Variants in RGS7 observed in about 807,000 individuals in gnomAD.
RGS7 encodes the protein regulator of G-protein signaling 7.
In RGS7, 27 loss-of-function variants were observed where a neutral mutation model predicts 81.1. The observed-to-expected ratio is 0.33, with a 90% CI of 0.25 to 0.46. RGS7 has a LOEUF of 0.46. Ranked by LOEUF, RGS7 falls within the 20% of genes least tolerant of loss-of-function variation. The pLI is 1.00. For synonymous variants in RGS7, 208 were observed against 207.7 expected (o/e 1.00, Z -0.01); for missense variants, 396 against 607.4 (o/e 0.65, Z 3.66).
chr1:241,345,449 T>C (rs2082829080), intron 2 of RGS7, among the ~76,000 whole-genome samples: 1 of 152,134 alleles, frequency 6.6e-6, no homozygotes, highest in South Asian at 2.1e-4. Context: ...AAAACTAAAA[T>C]GTAATCATGA....
At chr1:241,005,554 G>T (rs2058642230) in intron 3 of RGS7, among the ~76,000 whole-genome samples, 1 of 151,870 alleles carries the variant, frequency 6.6e-6, no homozygotes. Context: ...TTTATTTTTT[G>T]AAATGGAGTC....
intron 2 of RGS7, among the ~76,000 whole-genome samples, chr1:241,279,149 C>T (rs1291203228): frequency 2.0e-5 from 3 of 151,236 alleles, no homozygotes; most frequent in Non-Finnish European, 4.4e-5. Context: ...TAACATATAA[C>T]TTTATAATGT....
intron 9 of RGS7, among the ~76,000 whole-genome samples, chr1:240,827,661 G>A (rs540350864): frequency 4.6e-5 from 7 of 151,904 alleles, no homozygotes; most frequent in South Asian, 2.1e-4. Flanking sequence ...TAAGGAGTTC[G>A]AGACCAGCCT....
intron 2 of RGS7, among the ~76,000 whole-genome samples, chr1:241,220,995 A>AAGGAAGGAAGAAAGAAAGAG (rs1320023810): frequency 2.4e-5 from 1 of 42,324 alleles, no homozygotes; most frequent in African/African-American, 7.2e-5. Flanking sequence ...GGAAGGAAGG[A>AAGGAAGGAAGAAAGAAAGAG]AGAGAGAGAG....
chr1:240,993,896 A>T (rs925759485), intron 3 of RGS7, among the ~76,000 whole-genome samples: 1 of 152,084 alleles, frequency 6.6e-6, no homozygotes, highest in African/African-American at 2.4e-5. Flanking sequence ...TTGCCCGTGA[A>T]TGTCCAATAG....
At chr1:240,856,458 T>C (rs1661143048) in intron 9 of RGS7, among the ~76,000 whole-genome samples, 1 of 152,202 alleles carries the variant, frequency 6.6e-6, no homozygotes, top group South Asian at 2.1e-4. Flanking sequence ...ACTAAATGAA[T>C]GAATCAACTG....
intron 7 of RGS7, among the ~76,000 whole-genome samples, chr1:240,869,800 C>A (rs532663601): frequency 6.6e-6 from 1 of 152,140 alleles, no homozygotes; most frequent in Non-Finnish European, 1.5e-5. Flanking sequence ...ATTATCTGGG[C>A]GTGGTGGTGC....
chr1:241,187,571 T>C (rs868119737), intron 2 of RGS7, among the ~76,000 whole-genome samples: 6 of 152,168 alleles, frequency 3.9e-5, no homozygotes, highest in Admixed American at 6.5e-5. Context: ...CTCAGCTCTA[T>C]ATGCAGTACA....
intron 2 of RGS7, among the ~76,000 whole-genome samples, chr1:241,288,504 A>G (rs1034937428): frequency 1.3e-5 from 2 of 152,134 alleles, no homozygotes; most frequent in African/African-American, 4.8e-5. Flanking sequence ...AGTTCCACCC[A>G]AATCTGATAA....
chr1:241,203,275 C>G (rs2073649876), intron 2 of RGS7, among the ~76,000 whole-genome samples: 1 of 152,048 alleles, frequency 6.6e-6, no homozygotes, highest in African/African-American at 2.4e-5. Context: ...GCTCTGTCAC[C>G]AGGCTGGAGT....
At chr1:241,079,798 G>A (rs187422774) in intron 3 of RGS7, among the ~76,000 whole-genome samples, 3 of 151,792 alleles carry the variant, frequency 2.0e-5, no homozygotes, top group Non-Finnish European at 4.4e-5. Flanking sequence ...AATTCAAAGA[G>A]AGCAAGCCAT....
intron 4 of RGS7, among the ~76,000 whole-genome samples, chr1:240,970,693 G>A (rs1422353292): frequency 1.6e-4 from 24 of 152,148 alleles, no homozygotes; most frequent in Non-Finnish European, 4.4e-5. Context: ...GTTGTTAAAT[G>A]TGTAAAATAT....
chr1:240,933,161 T>C (rs146054265), intron 5 of RGS7, among the ~76,000 whole-genome samples: 4,872 of 151,688 alleles, frequency 0.032, 248 homozygotes, highest in African/African-American at 0.1. Context: ...GGATTACAGG[T>C]GTGAGCCACC....
Position 241,235,375 on chromosome 1 carries a change from A to T in RGS7, c.78+120324T>A, listed in dbSNP as rs571658300. On this transcript the variant is annotated intron_variant, in intron 2 of 18. Transcript: ENST00000440928. ...AGCAGACTAACTAACATAAGCAAAA[A>T]TCCTTTTAAAATCTTAGAATTTACA... Among the ~76,000 whole-genome samples the T allele has an allele frequency of 8.5e-5, 13 of 152,278 alleles. No individual in the cohort carries two copies. In the South Asian group the frequency reaches 2.3e-3, roughly 27 times the overall value.
intron 3 of RGS7, among the ~76,000 whole-genome samples, chr1:241,014,888 T>C (rs1430184539): frequency 6.6e-6 from 1 of 152,140 alleles, no homozygotes; most frequent in African/African-American, 2.4e-5. Context: ...GAGACGAGAC[T>C]CTTACATAGA....
chr1:240,955,211 A>G (rs1680167451), intron 4 of RGS7, among the ~76,000 whole-genome samples: 1 of 152,160 alleles, frequency 6.6e-6, no homozygotes, highest in South Asian at 2.1e-4. Context: ...ACAGAAAGCT[A>G]TTTTAAAGAT....
At chr1:241,085,337 T>C (rs964222459) in intron 3 of RGS7, among the ~76,000 whole-genome samples, 1 of 152,174 alleles carries the variant, frequency 6.6e-6, no homozygotes, top group African/African-American at 2.4e-5. Flanking sequence ...TGGTGGTGGA[T>C]ATTTCCAGAG....
chr1:240,821,754 G>A (rs532081161), intron 10 of RGS7, among the ~76,000 whole-genome samples: 4 of 152,292 alleles, frequency 2.6e-5, no homozygotes, highest in African/African-American at 9.6e-5. Flanking sequence ...CACTGATGCT[G>A]TTAACTGTAA....
At chr1:241,280,425 CTTTG>C (rs139624922) in intron 2 of RGS7, among the ~76,000 whole-genome samples, 1,672 of 152,324 alleles carry the variant, frequency 0.011, 33 homozygotes, top group African/African-American at 0.038. Context: ...GTCTGCTGTA[CTTTG>C]TTTAAGTAGT....
Sources: allele counts gnomAD v4.1 joint callset (sites outside exome capture counted in the v4.1 genomes callset), GRCh38; gene constraint gnomAD v4.1.1; transcripts MANE v1.5; gene names NCBI Gene and HGNC (gene_info 2026-07-23, HGNC 2026-07-21).